ZNF800: variants seen among roughly 807,000 people sequenced by gnomAD.
ZNF800 encodes the protein zinc finger protein 800.
Under a neutral mutation model 59.5 loss-of-function variants are expected in ZNF800, and 13 were observed. The observed-to-expected ratio is 0.22, with a 90% CI of 0.14 to 0.35. The LOEUF (loss-of-function observed/expected upper bound fraction) is 0.35. ZNF800 is among the 10% of genes least tolerant of loss of function. The pLI is 1.00. For missense variants in ZNF800, 621 were observed against 783.7 expected (o/e 0.79, Z 2.48); for synonymous variants, 266 against 265.7 (o/e 1.00, Z -0.01).
rs1340989433 is a variant in ZNF800, at chr7:127,392,238, C to T, written c.-237G>A. 12 of 393,866 alleles carry T rather than the reference C, an allele frequency of 3.0e-5. No individual in the cohort carries two copies. The highest frequency in any genetic ancestry group is 4.9e-5 in the Non-Finnish European group (11 of 222,982). The allele number at this position is 393,866 out of a possible 1,614,324, so 24.4% of individuals were successfully genotyped here. A position where few individuals can be genotyped will look rare whatever the true frequency, so the allele number is the denominator to read the frequency against. On this transcript the variant is annotated 5_prime_UTR_variant, in exon 1 of 6. Transcript: ENST00000265827. ...CCCAAAGAGTCCCCGCCGGCGCTGACGCGGAAGCGCCACAGCTCACCACGT... is the reference window on the plus strand; with the variant it reads ...CCCAAAGAGTCCCCGCCGGCGCTGATGCGGAAGCGCCACAGCTCACCACGT...
rs528317656 is a variant in ZNF800, at chr7:127,372,852, T to C, written c.1994+490A>G. On this transcript the variant is annotated intron_variant, in intron 5 of 5. Coordinates refer to ENST00000265827, the MANE Select transcript of ZNF800 (RefSeq NM_176814.5). ...CTGAGTGCAGCATTTTATTTAGCCG[T>C]CACAGATTAATTTTTACAATAATTA... The C allele has an allele frequency of 1.6e-4, 157 of 985,392 alleles. 1 individual carries two copies. The African/African-American group carries it at 2.6e-3, about 16-fold the overall frequency. The allele number at this position is 985,392 out of a possible 1,614,324, so 61.0% of individuals were successfully genotyped here.
intron 1 of ZNF800, among the ~76,000 whole-genome samples, chr7:127,355,025 A>C (rs1252950751): frequency 6.6e-6 from 1 of 152,104 alleles, no homozygotes; most frequent in African/African-American, 2.4e-5. Context: ...ACACACTCTC[A>C]AAACATTTCA....
At chr7:127,375,117 C>T in intron 4 of ZNF800, 83 bp from the exon 5 acceptor site, 1 of 1,137,448 alleles carries the variant, frequency 8.8e-7, no homozygotes, top group South Asian at 2.1e-5. Context: ...TTATGAACCT[C>T]TATCTCAGAA....
rs567287938 is a variant in ZNF800 at position 127,354,285 on chromosome 7, GAA to G, written n.225-6244_225-6243del. ...AATCAGTGACCCTCTCTTCCTGAAA[GAA>G]ATGTGAAATACTACATCATGTTGCA... On this transcript the variant is annotated intron_variant and non_coding_transcript_variant, in intron 1 of 1. Coordinates refer to the ZNF800 transcript ENST00000485577. Among the ~76,000 whole-genome samples the G allele has an allele frequency of 1.3e-3, 201 of 152,076 alleles. 1 individual carries two copies. The highest frequency in any genetic ancestry group is 4.4e-3 in the African/African-American group (183 of 41,468).
At chr7:127,391,454 C>G in intron 2 of ZNF800, 43 bp downstream of exon 2, 1 of 1,595,390 alleles carries the variant, frequency 6.3e-7, no homozygotes, top group Non-Finnish European at 8.6e-7. Flanking sequence ...GGCAGAGTGG[C>G]TCTGATGGAG....
intron 3 of ZNF800, among the ~76,000 whole-genome samples, chr7:127,383,457 C>T (rs1050829444): frequency 3.9e-5 from 6 of 152,210 alleles, no homozygotes; most frequent in African/African-American, 1.4e-4. Flanking sequence ...TTAAATGCAA[C>T]GTGTGTGACC....
chr7:127,355,739 T>C (rs1361400762), intron 1 of ZNF800, among the ~76,000 whole-genome samples: 1 of 152,110 alleles, frequency 6.6e-6, no homozygotes, highest in East Asian at 1.9e-4. Flanking sequence ...AAATTATTTT[T>C]CAAATGTTGG....
At chr7:127,365,911 T>C (rs1013269541), downstream of ZNF800, among the ~76,000 whole-genome samples, 2 of 152,110 alleles carry the variant, frequency 1.3e-5, no homozygotes, top group Non-Finnish European at 2.9e-5. Context: ...ACAAGTTCAG[T>C]GATCACTACG....
At chr7:127,343,118 T>C (rs1181675147), downstream of ZNF800, among the ~76,000 whole-genome samples, 1 of 152,132 alleles carries the variant, frequency 6.6e-6, no homozygotes, top group African/African-American at 2.4e-5. Flanking sequence ...GTCTTACGTG[T>C]CCTATTATTA....
At chr7:127,353,324 G>A (rs890863958) in intron 1 of ZNF800, among the ~76,000 whole-genome samples, 5 of 152,090 alleles carry the variant, frequency 3.3e-5, no homozygotes, top group Non-Finnish European at 2.9e-5. Context: ...CACAGTTCTT[G>A]ACAAGACTTT....
intron 2 of ZNF800, among the ~76,000 whole-genome samples, chr7:127,387,418 T>C (rs1247045656): frequency 6.6e-6 from 1 of 152,238 alleles, no homozygotes; most frequent in African/African-American, 2.4e-5. Flanking sequence ...AGCTTTCTGA[T>C]AGCGGGGCTA....
chr7:127,383,458 G>A (rs1801031885), intron 3 of ZNF800, among the ~76,000 whole-genome samples: 1 of 152,120 alleles, frequency 6.6e-6, no homozygotes, highest in Non-Finnish European at 1.5e-5. Context: ...TAAATGCAAC[G>A]TGTGTGACCT....
rs1320383749 is a variant in ZNF800, at chr7:127,392,634, G to A, written c.-633C>T. On this transcript the variant is annotated 5_prime_UTR_variant, in exon 1 of 6. Coordinates refer to ENST00000265827, the MANE Select transcript of ZNF800 (RefSeq NM_176814.5). Reference sequence around the variant, plus strand: ...ACTCTGTCGCCCCCTCCTCCGGAGAGCCCGAGCTACCGCCGCGGAGCGCGT... The same window carrying A: ...ACTCTGTCGCCCCCTCCTCCGGAGAACCCGAGCTACCGCCGCGGAGCGCGT... 2 of 160,508 alleles carry A rather than the reference G, an allele frequency of 1.2e-5. No homozygotes were observed. Among genetic ancestry groups the A allele is most frequent in the Non-Finnish European group, 2.7e-5 (2 of 73,758 alleles). The allele number at this position is 160,508 out of a possible 1,614,324, so 9.9% of individuals were successfully genotyped here.
In ZNF800 at chr7:127,392,078, CGGCG is replaced by C. The variant is rs144396858; in HGVS notation, c.-81_-78del. On this transcript the variant is annotated 5_prime_UTR_variant, in exon 1 of 6. Transcript: ENST00000265827. ...AACTTACTCAACTCTTAGGGCGGGC[CGGCG>C]GGCGGGCGGAAGGAAGGAAGGCAGG... 1,594 of 391,254 alleles carry C rather than the reference CGGCG, an allele frequency of 4.1e-3. 18 individuals are homozygous for C. Among genetic ancestry groups the C allele is most frequent in the African/African-American group, 0.03 (1,450 of 48,172 alleles). The allele number at this position is 391,254 out of a possible 1,614,324, so 24.2% of individuals were successfully genotyped here. A position where few individuals can be genotyped will look rare whatever the true frequency, so the allele number is the denominator to read the frequency against.
At chr7:127,365,010 T>G (rs947579761) in intron 1 of ZNF800, among the ~76,000 whole-genome samples, 6 of 152,088 alleles carry the variant, frequency 3.9e-5, no homozygotes, top group African/African-American at 1.4e-4. Flanking sequence ...GGGCATGCTT[T>G]GTTTGGATCT....
chr7:127,356,721 A>G (rs1046451193), intron 1 of ZNF800, among the ~76,000 whole-genome samples: 9 of 152,042 alleles, frequency 5.9e-5, no homozygotes, highest in Non-Finnish European at 1.2e-4. Flanking sequence ...TATAAATAAC[A>G]AGAAAGAGAA....
At position 127,391,513 on chromosome 7, in the gene ZNF800, G is replaced by GTGA; in HGVS notation, c.42_44dup (p.His15dup). 6.2e-7 allele frequency: 1 copy of GTGA among 1,614,190 alleles called. No homozygotes were observed. The highest frequency in any genetic ancestry group is 8.5e-7 in the Non-Finnish European group (1 of 1,180,028). ...GGGGTCTACCTGGTTCACAGCATCC[G>GTGA]TGATGATGGTGGTCAGTCTGACAGT... On this transcript the variant is annotated inframe_insertion, in exon 2 of 6. Transcript: ENST00000265827.
chr7:127,357,884 T>C (rs1483618983), intron 1 of ZNF800, among the ~76,000 whole-genome samples: 1 of 151,908 alleles, frequency 6.6e-6, no homozygotes, highest in Non-Finnish European at 1.5e-5. Flanking sequence ...GCTAGCCAAA[T>C]ACCTGCTCCC....
intron 3 of ZNF800, among the ~76,000 whole-genome samples, chr7:127,384,252 T>TTTTTTTTTTTTTTTTTTTTTTTTTTG (rs1562909676): frequency 7.4e-6 from 1 of 134,830 alleles, no homozygotes. Context: ...TTTTTTTTTT[T>TTTTTTTTTTTTTTTTTTTTTTTTTTG]AGACAGAGTC....
Sources: allele counts gnomAD v4.1 joint callset (sites outside exome capture counted in the v4.1 genomes callset), GRCh38; gene constraint gnomAD v4.1.1; transcripts MANE v1.5; gene names NCBI Gene and HGNC (gene_info 2026-07-23, HGNC 2026-07-21).